The following MYO18B variants were observed in gnomAD, a reference collection of about 807,000 sequenced individuals.
MYO18B encodes the protein myosin XVIIIB, also known as unconventional myosin-XVIIIb.
In MYO18B, 204 loss-of-function variants were observed where a neutral mutation model predicts 273.0. The observed-to-expected ratio is 0.75, with a 90% CI of 0.67 to 0.84. The LOEUF (loss-of-function observed/expected upper bound fraction) is 0.84. MYO18B is among the 40% of genes least tolerant of loss of function. MYO18B has a pLI of 0.00. For synonymous variants in MYO18B, 1,330 were observed against 1,305.7 expected, an observed-to-expected ratio of 1.02 and a Z score of -0.40; for missense variants, 3,212 against 3,287.6, an observed-to-expected ratio of 0.98 and a Z score of 0.56.
chr22:25,947,542 A>ACCCC lies in MYO18B; in HGVS notation c.5632-168_5632-167insCCCC, dbSNP rs1555960119. Among the ~76,000 whole-genome samples the ACCCC allele has an allele frequency of 2.9e-5, 4 of 140,216 alleles. No homozygotes were observed. The South Asian group carries it at 9.0e-4, about 32-fold the overall frequency. 92.0% of individuals were successfully genotyped at this position (140,216 alleles called of 152,430 possible). A position where few individuals can be genotyped will look rare whatever the true frequency, so the allele number is the denominator to read the frequency against. Reference sequence around the variant, plus strand: ...CACACACACACACACACACACACACACCAAGCTGTTATACCTACCACATGC... The same window carrying ACCCC: ...CACACACACACACACACACACACACACCCCCCAAGCTGTTATACCTACCACATGC... On this transcript the variant is annotated intron_variant, in intron 35 of 43. Coordinates refer to ENST00000335473, the MANE Select transcript of MYO18B (RefSeq NM_032608.7).
intron 12 of MYO18B, among the ~76,000 whole-genome samples, chr22:25,817,251 TTTC>T (rs1164394777): frequency 2.0e-5 from 3 of 152,186 alleles, no homozygotes; most frequent in East Asian, 1.9e-4. Context: ...TCTCTCTTTC[TTTC>T]TTCTTTTTCT....
chr22:26,016,869 G>A (rs888557939), intron 42 of MYO18B, among the ~76,000 whole-genome samples: 4 of 152,202 alleles, frequency 2.6e-5, no homozygotes, highest in African/African-American at 9.7e-5. Context: ...AGGCTTCCTG[G>A]GGGAAGCTAC....
At position 25,952,428 on chromosome 22, in the gene MYO18B, G is replaced by A. The variant is rs772779603; in HGVS notation, c.5970+5G>A. ...GTGCAGATTAAGAGATTTGAGGTAC[G>A]TAGTGATTCATAAATAGTGCCTGGG... On this transcript the variant is annotated splice_donor_5th_base_variant and intron_variant, in intron 38 of 43. Coordinates refer to ENST00000335473, the MANE Select transcript of MYO18B (RefSeq NM_032608.7). The A allele has an allele frequency of 1.7e-5, 27 of 1,612,836 alleles. No homozygotes were observed. Among genetic ancestry groups the A allele is most frequent in the Non-Finnish European group, 2.1e-5 (25 of 1,179,548 alleles).
At chr22:25,857,613 C>T (rs1323232752) in intron 21 of MYO18B, among the ~76,000 whole-genome samples, 1 of 152,192 alleles carries the variant, frequency 6.6e-6, no homozygotes, top group African/African-American at 2.4e-5. Context: ...TTCATCATCC[C>T]TTTCTTGTTC....
intron 42 of MYO18B, among the ~76,000 whole-genome samples, chr22:26,013,165 C>T (rs1015355872): frequency 1.3e-5 from 2 of 152,184 alleles, no homozygotes; most frequent in East Asian, 1.9e-4. Flanking sequence ...ATTTTCATTG[C>T]TCTATAGTCT....
chr22:25,810,131 T>C, intron 12 of MYO18B, among the ~76,000 whole-genome samples: 2 of 148,350 alleles, frequency 1.3e-5, no homozygotes, highest in South Asian at 2.2e-4. Flanking sequence ...AGAGTCTTGC[T>C]CTGTTGCCCA....
intron 1 of MYO18B, among the ~76,000 whole-genome samples, chr22:25,744,593 G>C (rs564531020): frequency 6.6e-6 from 1 of 152,254 alleles, no homozygotes; most frequent in South Asian, 2.1e-4. Flanking sequence ...AATTAGCCGG[G>C]CGTGGTGGTG....
intron 40 of MYO18B, among the ~76,000 whole-genome samples, chr22:26,000,473 T>C (rs1212246794): frequency 6.6e-6 from 1 of 151,464 alleles, no homozygotes; most frequent in Non-Finnish European, 1.5e-5. Flanking sequence ...CCAGGACCAA[T>C]AACCTGTGAC....
At chr22:25,914,948 C>T (rs925417061) in intron 33 of MYO18B, among the ~76,000 whole-genome samples, 1 of 151,624 alleles carries the variant, frequency 6.6e-6, no homozygotes, top group Non-Finnish European at 1.5e-5. Flanking sequence ...CCACCCACCT[C>T]GGCCTCCCAA....
chr22:25,824,920 T>TCACACACGTGAA (rs1555903982), intron 13 of MYO18B, among the ~76,000 whole-genome samples: 2 of 151,536 alleles, frequency 1.3e-5, no homozygotes, highest in Non-Finnish European at 2.9e-5. Context: ...TACCACGGAA[T>TCACACACGTGAA]CACACACATG....
At chr22:25,984,506 G>T (rs2093180574) in intron 39 of MYO18B, among the ~76,000 whole-genome samples, 1 of 152,214 alleles carries the variant, frequency 6.6e-6, no homozygotes, top group Non-Finnish European at 1.5e-5. Context: ...AAATGTGGCA[G>T]AGGCTGGGTA....
At chr22:25,926,730 G>A (rs2092427116) in intron 34 of MYO18B, among the ~76,000 whole-genome samples, 1 of 152,204 alleles carries the variant, frequency 6.6e-6, no homozygotes, top group South Asian at 2.1e-4. Context: ...GGATAAAGAG[G>A]AAATGTCAAG....
chr22:25,980,346 T>C (rs1293548152), intron 39 of MYO18B, among the ~76,000 whole-genome samples: 1 of 152,176 alleles, frequency 6.6e-6, no homozygotes, highest in Non-Finnish European at 1.5e-5. Context: ...CTGAGGGCAT[T>C]TTAAAACCAT....
chr22:25,883,274 C>T lies in MYO18B; in HGVS notation c.4314+5226C>T, dbSNP rs2091398565. 1 of 152,252 alleles carries T rather than the reference C, an allele frequency of 6.6e-6. No homozygotes were observed. Among genetic ancestry groups the T allele is most frequent in the African/African-American group, 2.4e-5 (1 of 41,452 alleles). 9.4% of individuals were successfully genotyped at this position (152,252 alleles called of 1,614,324 possible). On this transcript the variant is annotated intron_variant, in intron 25 of 43. Coordinates refer to ENST00000335473, the MANE Select transcript of MYO18B (RefSeq NM_032608.7). This position sits in a 1 kb window ranked among gnomAD's most constrained non-coding sequence, Gnocchi z 7.6. ...CCCAGTCCACCTCCTGAGGGTCTGA[C>T]CCAAGAGGAGGTTCTTGGTATGGGG...
At chr22:25,743,020 A>T (rs1478812579) in intron 1 of MYO18B, among the ~76,000 whole-genome samples, 2 of 152,260 alleles carry the variant, frequency 1.3e-5, no homozygotes, top group African/African-American at 4.8e-5. Flanking sequence ...AGACCTCACC[A>T]GCTACAGGCC....
chr22:26,050,985 G>C, the MYO18B span, among the ~76,000 whole-genome samples: 1 of 152,158 alleles, frequency 6.6e-6, no homozygotes, highest in Non-Finnish European at 1.5e-5. Flanking sequence ...TAAGTTTAAG[G>C]ATAGATATGG....
chr22:25,894,880 A>G (rs1021076316), intron 27 of MYO18B: 3 of 300,220 alleles, frequency 1.0e-5, no homozygotes, highest in Non-Finnish European at 1.9e-5. Flanking sequence ...ATACACTTAT[A>G]GAGACAACTA....
At chr22:25,916,153 G>C (rs541211617) in intron 33 of MYO18B, among the ~76,000 whole-genome samples, 3 of 151,862 alleles carry the variant, frequency 2.0e-5, no homozygotes, top group East Asian at 1.9e-4. Flanking sequence ...GTATTTTCTC[G>C]TTATTTAAAA....
chr22:25,789,662 A>G (rs1601700684), intron 11 of MYO18B, among the ~76,000 whole-genome samples: 1 of 151,966 alleles, frequency 6.6e-6, no homozygotes, highest in Non-Finnish European at 1.5e-5. Flanking sequence ...AAATTACTAC[A>G]TACTTCCTAT....
Sources: allele counts gnomAD v4.1 joint callset (sites outside exome capture counted in the v4.1 genomes callset), GRCh38; gene constraint gnomAD v4.1.1; non-coding constraint Gnocchi (gnomAD v3.1); transcripts MANE v1.5; gene names NCBI Gene and HGNC (gene_info 2026-07-23, HGNC 2026-07-21).